RBFOX1: variants seen among roughly 807,000 people sequenced by gnomAD.
RBFOX1 encodes RNA binding protein fox-1 homolog 1.
RBFOX1 carries 8 observed loss-of-function variants against 57.7 expected under a neutral mutation model. The observed-to-expected ratio is 0.14, with a 90% CI of 0.08 to 0.25. The LOEUF (loss-of-function observed/expected upper bound fraction) is 0.25, where lower values mean the gene tolerates loss of function less well. Among genes scored for constraint, RBFOX1 ranks in the 10% least tolerant of loss-of-function variants. The pLI is 1.00. For synonymous variants in RBFOX1, 326 were observed against 222.4 expected, an observed-to-expected ratio of 1.47 and a Z score of -4.15; for missense variants, 611 against 548.5, an observed-to-expected ratio of 1.11 and a Z score of -1.14.
At chr16:7,131,173 C>T (rs1384073050) in intron 4 of RBFOX1, among the ~76,000 whole-genome samples, 2 of 151,850 alleles carry the variant, frequency 1.3e-5, no homozygotes, top group Non-Finnish European at 2.9e-5. Context: ...GGTGAAACCA[C>T]ATCTCTACTA....
intron 6 of RBFOX1, among the ~76,000 whole-genome samples, chr16:7,585,145 C>T (rs971400091): frequency 2.0e-5 from 3 of 152,120 alleles, no homozygotes; most frequent in African/African-American, 7.2e-5. Flanking sequence ...AATATGATAG[C>T]GTCTGTGGAG....
chr16:6,833,908 A>G (rs1181192342), intron 3 of RBFOX1, among the ~76,000 whole-genome samples: 1 of 152,080 alleles, frequency 6.6e-6, no homozygotes, highest in Non-Finnish European at 1.5e-5. Flanking sequence ...GGCAAGGTTG[A>G]TCAATCCACA....
chr16:5,835,784 T>C (rs980940527), intron 3 of RBFOX1, among the ~76,000 whole-genome samples: 1 of 152,244 alleles, frequency 6.6e-6, no homozygotes, highest in Non-Finnish European at 1.5e-5. Context: ...TGATTACTTA[T>C]TCATCTTCTT....
At chr16:7,473,592 C>T (rs540965476) in intron 4 of RBFOX1, among the ~76,000 whole-genome samples, 2 of 151,478 alleles carry the variant, frequency 1.3e-5, no homozygotes, top group South Asian at 4.2e-4. Context: ...TCTTTACCTG[C>T]TACCCATATT....
At chr16:5,314,347 G>A (rs1194449041) in intron 1 of RBFOX1, among the ~76,000 whole-genome samples, 1 of 152,146 alleles carries the variant, frequency 6.6e-6, no homozygotes, top group Non-Finnish European at 1.5e-5. Context: ...GTAGACCCGT[G>A]CCCCATGGCA....
downstream of RBFOX1, among the ~76,000 whole-genome samples, chr16:5,600,683 C>A (rs1019213818): frequency 6.6e-6 from 1 of 151,944 alleles, no homozygotes; most frequent in South Asian, 2.1e-4. Flanking sequence ...TCTATTCCCC[C>A]AAAATGACTT....
At chr16:5,534,034 G>T (rs2044591881) in intron 2 of RBFOX1, among the ~76,000 whole-genome samples, 1 of 152,140 alleles carries the variant, frequency 6.6e-6, no homozygotes, top group African/African-American at 2.4e-5. Flanking sequence ...CCAAATCTGG[G>T]AGGATGTGGT....
At chr16:7,184,993 A>G (rs1262293480) in intron 4 of RBFOX1, among the ~76,000 whole-genome samples, 1 of 152,070 alleles carries the variant, frequency 6.6e-6, no homozygotes, top group Non-Finnish European at 1.5e-5. Flanking sequence ...CAATATGCAT[A>G]GGATAGCCCC....
intron 2 of RBFOX1, among the ~76,000 whole-genome samples, chr16:6,401,320 A>G (rs573617809): frequency 2.0e-5 from 3 of 152,340 alleles, no homozygotes; most frequent in Admixed American, 6.5e-5. Context: ...AGGCAAATGC[A>G]TAAGTGTACA....
intron 1 of RBFOX1, among the ~76,000 whole-genome samples, chr16:6,230,674 A>G (rs2097452271): frequency 6.6e-6 from 1 of 152,198 alleles, no homozygotes; most frequent in Non-Finnish European, 1.5e-5. Flanking sequence ...ACGCATAACA[A>G]TTCAAGGGGA....
chr16:6,212,801 A>C (rs184111038), intron 1 of RBFOX1, among the ~76,000 whole-genome samples: 1 of 152,260 alleles, frequency 6.6e-6, no homozygotes, highest in Admixed American at 6.5e-5. Context: ...TAGATAAGAC[A>C]TACTCTTTAA....
At chr16:5,404,481 G>A (rs1169680750) in intron 1 of RBFOX1, among the ~76,000 whole-genome samples, 1 of 152,182 alleles carries the variant, frequency 6.6e-6, no homozygotes, top group African/African-American at 2.4e-5. Context: ...TCTGTGGACT[G>A]CACTTTGTAG....
chr16:6,380,544 G>C (rs1415643762), intron 2 of RBFOX1, among the ~76,000 whole-genome samples: 1 of 151,042 alleles, frequency 6.6e-6, no homozygotes, highest in African/African-American at 2.4e-5. Context: ...AAGTTCTGGG[G>C]GGAAAATAAA....
Position 7,078,283 on chromosome 16 carries a change from G to C in RBFOX1, c.27+26185G>C, listed in dbSNP as rs73538798. The stretch of plus-strand genomic sequence containing the variant: ...GCTGGTTTAGAAACCACCTTAGGAA[G>C]TGACCTAACCCAGAAATGGTTTATC... On this transcript the variant is annotated intron_variant, in intron 4 of 15. Transcript: ENST00000550418. Among the ~76,000 whole-genome samples, 344 of 152,306 alleles carry C rather than the reference G, an allele frequency of 2.3e-3. 4 individuals carry two copies. The highest frequency in any genetic ancestry group is 7.5e-3 in the African/African-American group (312 of 41,558).
At chr16:5,332,727 A>G (rs2064788999) in intron 1 of RBFOX1, among the ~76,000 whole-genome samples, 1 of 151,730 alleles carries the variant, frequency 6.6e-6, no homozygotes, top group Admixed American at 6.6e-5. Flanking sequence ...TACCATGTGT[A>G]GATATTATTT....
intron 4 of RBFOX1, among the ~76,000 whole-genome samples, chr16:5,999,867 C>CAAAAAAAAA (rs869221577): frequency 3.6e-5 from 1 of 27,672 alleles, no homozygotes; most frequent in African/African-American, 1.5e-4. Flanking sequence ...GACTCCACCT[C>CAAAAAAAAA]AAAAAAAAAA....
chr16:7,529,892 C>A (rs2079592541), intron 5 of RBFOX1, among the ~76,000 whole-genome samples: 1 of 151,544 alleles, frequency 6.6e-6, no homozygotes, highest in Non-Finnish European at 1.5e-5. Flanking sequence ...ACCTGTAATC[C>A]CAGCTACTTG....
At chr16:5,363,369 G>A (rs532691913) in intron 1 of RBFOX1, among the ~76,000 whole-genome samples, 1 of 152,216 alleles carries the variant, frequency 6.6e-6, no homozygotes, top group Admixed American at 6.5e-5. Context: ...ATTTGGAAGT[G>A]GGATTGCAGA....
At chr16:5,425,618 T>G (rs1045132705) in intron 1 of RBFOX1, among the ~76,000 whole-genome samples, 9 of 152,218 alleles carry the variant, frequency 5.9e-5, no homozygotes, top group African/African-American at 2.2e-4. Flanking sequence ...GAACGTGTCC[T>G]TTCTCTTTGA....
Sources: gnomAD v4.1 joint callset for allele counts (sites outside exome capture counted in the v4.1 genomes callset) on GRCh38, gnomAD v4.1.1 for gene constraint, MANE v1.5 for transcripts, NCBI Gene and HGNC (gene_info 2026-07-23, HGNC 2026-07-21) for gene names.